Variants in SWT1 observed in about 807,000 individuals in gnomAD.
SWT1 encodes SWT1 RNA endoribonuclease homolog, also known as transcriptional protein SWT1.
SWT1 carries 33 observed loss-of-function variants against 107.3 expected under a neutral mutation model. The ratio of observed to expected loss-of-function variants is 0.31; its 90% CI spans 0.23 to 0.41. The LOEUF is 0.41. Ranked by LOEUF, SWT1 falls within the 10% of genes least tolerant of loss-of-function variation. The pLI is 1.00. For synonymous variants in SWT1, 345 were observed against 348.3 expected, an observed-to-expected ratio of 0.99 and a Z score of 0.11; for missense variants, 898 against 1,028.9, an observed-to-expected ratio of 0.87 and a Z score of 1.74.
intron 3 of SWT1, 151 bp from the exon 4 acceptor site, chr1:185,168,189 T>C (rs1654744795): frequency 2.3e-6 from 1 of 436,244 alleles, no homozygotes; most frequent in African/African-American, 2.2e-5. Context: ...CTGTTTGAGT[T>C]TTGTGAAACG....
chr1:185,184,625 TGTGA>T, intron 8 of SWT1, 114 bp from the exon 9 acceptor site: 1 of 632,484 alleles, frequency 1.6e-6, no homozygotes, highest in Non-Finnish European at 2.6e-6. Context: ...CTCAATTTAT[TGTGA>T]ATTTCCTAAA....
intron 5 of SWT1, among the ~76,000 whole-genome samples, chr1:185,175,908 A>G (rs1469240030): frequency 1.3e-5 from 2 of 152,226 alleles, no homozygotes; most frequent in Admixed American, 1.3e-4. Context: ...TAAATAGGAA[A>G]AGTATAATAC....
At chr1:185,173,463 G>A (rs1655264019) in intron 4 of SWT1, among the ~76,000 whole-genome samples, 1 of 150,638 alleles carries the variant, frequency 6.6e-6, no homozygotes, top group East Asian at 1.9e-4. Context: ...GGGAGGCTAA[G>A]GTGGGCAGAT....
chr1:185,231,812 C>G, intron 16 of SWT1, 104 bp downstream of exon 16: 1 of 776,922 alleles, frequency 1.3e-6, no homozygotes, highest in Non-Finnish European at 2.0e-6. Flanking sequence ...TAGAATAGAC[C>G]GTGGCACTTT....
At chr1:185,200,730 A>G (rs889975587) in intron 10 of SWT1, among the ~76,000 whole-genome samples, 4 of 152,208 alleles carry the variant, frequency 2.6e-5, no homozygotes, top group African/African-American at 7.2e-5. Context: ...ACGAGGTTCA[A>G]GGACCCACTT....
intron 3 of SWT1, among the ~76,000 whole-genome samples, chr1:185,167,785 T>C (rs1372893408): frequency 6.6e-6 from 1 of 152,200 alleles, no homozygotes; most frequent in Non-Finnish European, 1.5e-5. Flanking sequence ...CAGAATGCCT[T>C]CTTTTACTCG....
chr1:185,232,002 C>G (rs976297334), intron 16 of SWT1, among the ~76,000 whole-genome samples: 2 of 152,118 alleles, frequency 1.3e-5, no homozygotes, highest in African/African-American at 4.8e-5. Context: ...TTGCTATGTT[C>G]AAGTTTGAAA....
At chr1:185,192,395 C>T (rs760049749) in intron 10 of SWT1, among the ~76,000 whole-genome samples, 1 of 152,098 alleles carries the variant, frequency 6.6e-6, no homozygotes, top group Non-Finnish European at 1.5e-5. Context: ...AATTTTGATA[C>T]CTGCCTTTTC....
chr1:185,289,595 A>G (rs1310579791), intron 18 of SWT1, among the ~76,000 whole-genome samples: 1 of 152,252 alleles, frequency 6.6e-6, no homozygotes, highest in Non-Finnish European at 1.5e-5. Flanking sequence ...TAGCCAAGAT[A>G]CAGAATCAAC....
At chr1:185,163,939 C>T (rs1410139897) in intron 2 of SWT1, among the ~76,000 whole-genome samples, 1 of 152,200 alleles carries the variant, frequency 6.6e-6, no homozygotes, top group Non-Finnish European at 1.5e-5. Context: ...TTTCAATTTA[C>T]TTTGCCTGGA....
chr1:185,189,487 A>G (rs1228715014), intron 9 of SWT1, among the ~76,000 whole-genome samples: 2 of 152,206 alleles, frequency 1.3e-5, no homozygotes, highest in Non-Finnish European at 2.9e-5. Flanking sequence ...AAACTAGTTT[A>G]GCTGCGGTAG....
intron 5 of SWT1, 60 bp downstream of exon 5, chr1:185,175,173 G>A (rs2102348436): frequency 9.3e-7 from 1 of 1,076,112 alleles, no homozygotes; most frequent in South Asian, 2.9e-5. Flanking sequence ...ATATAGTTAA[G>A]TTTTTTCTGT....
chr1:185,199,002 A>C (rs962336454), intron 10 of SWT1, among the ~76,000 whole-genome samples: 1 of 148,324 alleles, frequency 6.7e-6, no homozygotes, highest in Middle Eastern at 3.5e-3. Context: ...CAGTGGTGAG[A>C]TCTCAGCTCA....
intron 14 of SWT1, among the ~76,000 whole-genome samples, chr1:185,219,510 G>A (rs996442307): frequency 6.6e-6 from 1 of 152,080 alleles, no homozygotes; most frequent in African/African-American, 2.4e-5. Context: ...AATCCATGAA[G>A]CTAATCCTTT....
chr1:185,174,900 T>A lies in SWT1; in HGVS notation c.753T>A (p.Asn251Lys). 2 of 1,614,000 alleles carry A rather than the reference T, an allele frequency of 1.2e-6. No individual in the cohort carries two copies. The highest frequency in any genetic ancestry group is 8.5e-7 in the Non-Finnish European group (1 of 1,179,990). ...RDTLQKLVEE[N>K]VFNIDSNNSK... ...CCCTCCAGAAACTTGTAGAAGAAAA[T>A]GTCTTCAACATAGATTCTAATAATT... Residue 251 changes from asparagine to lysine, a missense_variant, in exon 5 of 19, where the codon AAT becomes AAA. By Grantham distance (94) the Asn-to-Lys change is moderately conservative (BLOSUM62 0). Coordinates refer to ENST00000367500, the MANE Select transcript of SWT1 (RefSeq NM_017673.7).
chr1:185,234,626 G>C (rs1196991283), intron 16 of SWT1, among the ~76,000 whole-genome samples: 1 of 152,058 alleles, frequency 6.6e-6, no homozygotes, highest in African/African-American at 2.4e-5. Context: ...GGTTAATATT[G>C]TTATGTGTGA....
intron 10 of SWT1, among the ~76,000 whole-genome samples, chr1:185,202,429 A>C (rs1198725087): frequency 6.6e-6 from 1 of 152,054 alleles, no homozygotes; most frequent in Non-Finnish European, 1.5e-5. Context: ...CCTACCTCAG[A>C]AGTTTGTTGT....
intron 11 of SWT1, among the ~76,000 whole-genome samples, chr1:185,203,158 A>G (rs1226948139): frequency 1.3e-5 from 2 of 152,194 alleles, no homozygotes; most frequent in African/African-American, 4.8e-5. Context: ...TTCCTTTTAA[A>G]TTAATAGCAG....
At chr1:185,182,917 C>T (rs1361255819) in intron 7 of SWT1, among the ~76,000 whole-genome samples, 1 of 152,068 alleles carries the variant, frequency 6.6e-6, no homozygotes, top group Non-Finnish European at 1.5e-5. Context: ...GGGTGGATCA[C>T]CTGGGGTCAG....
Sources: gnomAD v4.1 joint callset for allele counts (sites outside exome capture counted in the v4.1 genomes callset) on GRCh38, gnomAD v4.1.1 for gene constraint, MANE v1.5 for transcripts, NCBI Gene and HGNC (gene_info 2026-07-23, HGNC 2026-07-21) for gene names.